TSNARE1: variants seen among roughly 807,000 people sequenced by gnomAD.
TSNARE1 encodes t-SNARE domain-containing protein 1.
Under a neutral mutation model 62.0 loss-of-function variants are expected in TSNARE1, and 49 were observed. That is an observed-to-expected ratio of 0.79 (90% CI 0.63 to 1.00). TSNARE1 has a LOEUF of 1.00. Ranked by LOEUF, TSNARE1 falls within the 50% of genes least tolerant of loss-of-function variation. The pLI is 0.00. For missense variants in TSNARE1, 755 were observed against 700.1 expected (o/e 1.08, Z -0.88); for synonymous variants, 328 against 294.4 (o/e 1.11, Z -1.17).
intron 12 of TSNARE1, among the ~76,000 whole-genome samples, chr8:142,232,370 C>T (rs571470870): frequency 1.8e-4 from 27 of 152,386 alleles, no homozygotes; most frequent in African/African-American, 5.8e-4. Context: ...CTTCCTGTGG[C>T]CCTGAAGTTG....
chr8:142,304,695 G>A (rs923953638), intron 9 of TSNARE1, among the ~76,000 whole-genome samples: 11 of 152,230 alleles, frequency 7.2e-5, no homozygotes, highest in Admixed American at 2.0e-4. Flanking sequence ...CGCCTGGAGA[G>A]CTCGAGCTGA....
At chr8:142,352,354 A>G (rs954830480) in intron 2 of TSNARE1, among the ~76,000 whole-genome samples, 3 of 152,278 alleles carry the variant, frequency 2.0e-5, no homozygotes, top group Non-Finnish European at 4.4e-5. Context: ...CCAGGCTGGC[A>G]AGACATCACC....
intron 1 of TSNARE1, among the ~76,000 whole-genome samples, chr8:142,375,783 G>A (rs1231659776): frequency 3.9e-5 from 6 of 152,252 alleles, no homozygotes; most frequent in Non-Finnish European, 5.9e-5. Flanking sequence ...AGAAGATGCG[G>A]CTTCCTAGCA....
intron 4 of TSNARE1, among the ~76,000 whole-genome samples, chr8:142,333,980 A>G (rs1357990290): frequency 6.6e-6 from 1 of 152,170 alleles, no homozygotes; most frequent in Non-Finnish European, 1.5e-5. Flanking sequence ...AATGAGGATG[A>G]GTTAAATCAA....
In TSNARE1 at chr8:142,319,011, G is replaced by C. The variant is rs921760077; in HGVS notation, c.894-377C>G. ...ACACCCAGCAAGAGACGGGGGAGACGGGCAGACACACAGCAAGAGGCAGTG... is the reference window on the plus strand; with the variant it reads ...ACACCCAGCAAGAGACGGGGGAGACCGGCAGACACACAGCAAGAGGCAGTG... On this transcript the variant is annotated intron_variant, in intron 6 of 13. Transcript: ENST00000524325. The surrounding 1 kb of genome is among the most constrained non-coding windows in gnomAD (Gnocchi z 4.9). Among the ~76,000 whole-genome samples the C allele has an allele frequency of 6.7e-6, 1 of 150,336 alleles. No individual in the cohort carries two copies. Among genetic ancestry groups the C allele is most frequent in the African/African-American group, 2.5e-5 (1 of 40,802 alleles).
intron 13 of TSNARE1, among the ~76,000 whole-genome samples, chr8:142,222,523 TCCACTCACTCAC>T (rs1563755337): frequency 2.7e-4 from 5 of 18,486 alleles, no homozygotes; most frequent in African/African-American, 6.0e-4. Flanking sequence ...CACTCACTCA[TCCACTCACTCAC>T]TCACTCATTC....
At chr8:142,339,551 A>G (rs942088402) in intron 4 of TSNARE1, among the ~76,000 whole-genome samples, 22 of 152,334 alleles carry the variant, frequency 1.4e-4, no homozygotes, top group African/African-American at 5.1e-4. Context: ...ACCAGACTCA[A>G]GCACTGGCAA....
At position 142,318,577 on chromosome 8, in the gene TSNARE1, C is replaced by T; in HGVS notation, c.951G>A (p.Lys317=). The T allele has an allele frequency of 6.2e-7, 1 of 1,613,670 alleles. No homozygotes were observed. The highest frequency in any genetic ancestry group is 8.5e-7 in the Non-Finnish European group (1 of 1,179,998). The part of the protein sequence containing the change: ...KTIAASASSV[K]QMAELLRSSC... The stretch of plus-strand genomic sequence containing the variant: ...AGCTGCGCAGCAGCTCGGCCATCTG[C>T]TTCACGGAGCTGGCGCTGGCTGCAA... Residue 317 remains lysine (K), a synonymous_variant, in exon 7 of 14, where the codon AAG becomes AAA. Coordinates refer to ENST00000524325, the MANE Select transcript of TSNARE1 (RefSeq NM_145003.5).
chr8:142,344,406 C>A lies in TSNARE1; in HGVS notation c.305G>T (p.Arg102Met). 1 of 1,588,816 alleles carries A rather than the reference C, an allele frequency of 6.3e-7. No homozygotes were observed. Among genetic ancestry groups the A allele is most frequent in the Non-Finnish European group, 8.6e-7 (1 of 1,168,932 alleles). ...EPTSSPTIGP[R>M]KDSAAGPHGR... ...ATGGGGCCCAGCAGCCGAGTCCTTC[C>A]TCGGGCCAATGGTGGGTGATGAGGT... The change falls in exon 4 of 14, where the codon AGG (arginine) becomes ATG (methionine). Residue 102 changes from arginine (R) to methionine (M), a missense_variant. Transcript: ENST00000524325.
upstream of TSNARE1, chr8:142,406,360 C>G (rs551043144): frequency 1.3e-5 from 2 of 152,378 alleles, no homozygotes; most frequent in South Asian, 2.1e-4. Flanking sequence ...AGTGGGACAT[C>G]GTTCTATTAG....
chr8:142,295,187 T>C (rs905385263), intron 10 of TSNARE1, among the ~76,000 whole-genome samples: 1 of 138,122 alleles, frequency 7.2e-6, no homozygotes, highest in Non-Finnish European at 1.7e-5. Flanking sequence ...AGCTCCCACA[T>C]GTGACTGGCA....
intron 1 of TSNARE1, among the ~76,000 whole-genome samples, chr8:142,361,588 C>T (rs1313945307): frequency 1.3e-5 from 2 of 152,214 alleles, no homozygotes; most frequent in South Asian, 2.1e-4. Flanking sequence ...GCTGAGCTCA[C>T]GCATGGGCTT....
At chr8:142,328,395 C>T (rs956033270) in intron 6 of TSNARE1, among the ~76,000 whole-genome samples, 1 of 152,190 alleles carries the variant, frequency 6.6e-6, no homozygotes, top group Admixed American at 6.5e-5. Context: ...CAAGCAACTT[C>T]CTCTTTTCCT....
chr8:142,393,491 G>A (rs934678340), intron 1 of TSNARE1, among the ~76,000 whole-genome samples: 4 of 152,266 alleles, frequency 2.6e-5, no homozygotes, highest in African/African-American at 9.6e-5. Context: ...GGAAAACTGG[G>A]TGAAGAGTGC....
chr8:142,265,245 C>T (rs550786258), intron 12 of TSNARE1, among the ~76,000 whole-genome samples: 2 of 152,282 alleles, frequency 1.3e-5, no homozygotes, highest in Middle Eastern at 3.4e-3. Context: ...TTTACAACTG[C>T]ACCCTACCCC....
At chr8:142,229,388 T>G in intron 13 of TSNARE1, 85 bp downstream of exon 13, 1 of 1,077,656 alleles carries the variant, frequency 9.3e-7, no homozygotes, top group East Asian at 2.4e-5. Context: ...GGATGGTGGA[T>G]GGTTAGATGG....
At chr8:142,294,740 A>G (rs1466774678) in intron 10 of TSNARE1, among the ~76,000 whole-genome samples, 1 of 152,206 alleles carries the variant, frequency 6.6e-6, no homozygotes, top group Non-Finnish European at 1.5e-5. Context: ...AGACAGCCCT[A>G]CAGAGGAGCT....
chr8:142,270,724 T>G (rs1011994333), intron 12 of TSNARE1: 1 of 985,120 alleles, frequency 1.0e-6, no homozygotes, highest in African/African-American at 1.7e-5. Flanking sequence ...AGGGGGCCCC[T>G]CAGTGCATCT....
chr8:142,314,601 C>A (rs1299217781), intron 8 of TSNARE1, among the ~76,000 whole-genome samples, 161 bp from the exon 9 acceptor site: 1 of 151,868 alleles, frequency 6.6e-6, no homozygotes, highest in Non-Finnish European at 1.5e-5. Context: ...GCTCTGCCAG[C>A]GACTCGCTGG....
Sources: gnomAD v4.1 joint callset for allele counts (sites outside exome capture counted in the v4.1 genomes callset) on GRCh38, gnomAD v4.1.1 for gene constraint, Gnocchi (gnomAD v3.1) non-coding constraint, MANE v1.5 for transcripts, NCBI Gene and HGNC (gene_info 2026-07-23, HGNC 2026-07-21) for gene names.